The following PTPRK variants were observed in gnomAD, a reference collection of about 807,000 sequenced individuals.
PTPRK encodes the protein receptor-type tyrosine-protein phosphatase kappa.
In PTPRK, 75 loss-of-function variants were observed where a neutral mutation model predicts 178.0. The observed-to-expected ratio is 0.42, with a 90% CI of 0.35 to 0.51. The LOEUF is 0.51. PTPRK is among the 20% of genes least tolerant of loss of function. The pLI is 0.02. For missense variants in PTPRK, 1,441 were observed against 1,797.8 expected (o/e 0.80, Z 3.59); for synonymous variants, 637 against 620.6 (o/e 1.03, Z -0.39).
At chr6:128,386,607 T>G (rs2128360624) in intron 2 of PTPRK, among the ~76,000 whole-genome samples, 1 of 152,322 alleles carries the variant, frequency 6.6e-6, no homozygotes, top group East Asian at 1.9e-4. Context: ...TTTTTTAAAA[T>G]ACTCTGAAGT....
At chr6:128,083,944 G>A in intron 8 of PTPRK, 120 bp from the exon 9 acceptor site, 1 of 484,794 alleles carries the variant, frequency 2.1e-6, no homozygotes, top group East Asian at 3.4e-5. Context: ...ATAAAAATGT[G>A]TCCTTAAAAA....
chr6:128,410,454 T>G (rs1842176257), intron 1 of PTPRK, among the ~76,000 whole-genome samples: 1 of 152,202 alleles, frequency 6.6e-6, no homozygotes. Flanking sequence ...CTGAGCATAT[T>G]GTAAAAGAGA....
intron 1 of PTPRK, among the ~76,000 whole-genome samples, chr6:128,488,660 C>T (rs1023221012): frequency 1.3e-5 from 2 of 152,184 alleles, no homozygotes; most frequent in Non-Finnish European, 2.9e-5. Flanking sequence ...AAATTGCTTA[C>T]TGGAGTGCTC....
Position 128,332,472 on chromosome 6 carries a change from A to C in PTPRK, c.224-10162T>G, listed in dbSNP as rs1383511665. On this transcript the variant is annotated intron_variant, in intron 2 of 29. Transcript: ENST00000368226. Reference sequence around the variant, plus strand: ...TGAGGTCCGGTGTGAGGACTAAATGAGACTACCTCCATGATGTGCGAAGGC... The same window carrying C: ...TGAGGTCCGGTGTGAGGACTAAATGCGACTACCTCCATGATGTGCGAAGGC... Among the ~76,000 whole-genome samples the C allele has an allele frequency of 3.3e-5, 5 of 152,348 alleles. No homozygotes were observed. The South Asian group carries it at 1.0e-3, about 32-fold the overall frequency.
chr6:128,479,460 A>T (rs1337221406), intron 1 of PTPRK, among the ~76,000 whole-genome samples: 1 of 152,170 alleles, frequency 6.6e-6, no homozygotes, highest in African/African-American at 2.4e-5. Flanking sequence ...AACAAAATCC[A>T]TCTTAATTCA....
chr6:128,346,443 A>C (rs991221207), intron 2 of PTPRK, among the ~76,000 whole-genome samples: 2 of 152,038 alleles, frequency 1.3e-5, no homozygotes, highest in Non-Finnish European at 2.9e-5. Flanking sequence ...ATATATAGCC[A>C]ATTTTCTATA....
At chr6:128,010,261 C>G (rs1009238865) in intron 13 of PTPRK, among the ~76,000 whole-genome samples, 20 of 151,220 alleles carry the variant, frequency 1.3e-4, no homozygotes, top group African/African-American at 4.8e-4. Context: ...AACAAGAGTC[C>G]AGGTGATTCT....
chr6:127,996,782 T>G, intron 17 of PTPRK, 119 bp downstream of exon 17: 1 of 1,297,594 alleles, frequency 7.7e-7, no homozygotes, highest in East Asian at 2.6e-5. Flanking sequence ...TAAATGCTGT[T>G]TTAATATTAA....
At chr6:128,172,437 G>A (rs1429333126) in intron 7 of PTPRK, among the ~76,000 whole-genome samples, 1 of 151,814 alleles carries the variant, frequency 6.6e-6, no homozygotes, top group African/African-American at 2.4e-5. Context: ...TCCTTGGAAA[G>A]TCTAAATATT....
At chr6:128,018,186 T>C (rs757644108) in intron 13 of PTPRK, among the ~76,000 whole-genome samples, 7 of 152,076 alleles carry the variant, frequency 4.6e-5, no homozygotes, top group Non-Finnish European at 8.8e-5. Flanking sequence ...TAATGATTTT[T>C]ACATAGTTAC....
Position 128,083,761 on chromosome 6 carries a change from T to A in PTPRK, c.1529A>T (p.Asn510Ile), listed in dbSNP as rs1158639909. 3 of 1,607,076 alleles carry A rather than the reference T, an allele frequency of 1.9e-6. No homozygotes were observed. The highest frequency in any genetic ancestry group is 2.6e-6 in the Non-Finnish European group (3 of 1,176,066). The part of the protein sequence containing the change: ...GTSFENKIFL[N>I]WKEPLDPNGI... ...ATTTGGATCCAAAGGTTCTTTCCAG[T>A]TCAAGAAGATCTTATTTTCAAAGGA... The change falls in exon 9 of 30, where the codon AAC becomes ATC. Residue 510 changes from asparagine (N) to isoleucine (I), a missense_variant. Transcript: ENST00000368226.
At chr6:128,054,469 A>C (rs1056790099) in intron 13 of PTPRK, among the ~76,000 whole-genome samples, 1 of 152,216 alleles carries the variant, frequency 6.6e-6, no homozygotes, top group Non-Finnish European at 1.5e-5. Context: ...GAAAATTAAT[A>C]ATTTTCAACT....
chr6:128,413,841 T>C (rs1842563240), intron 1 of PTPRK, among the ~76,000 whole-genome samples: 1 of 152,178 alleles, frequency 6.6e-6, no homozygotes, highest in African/African-American at 2.4e-5. Context: ...TTTCAAAACA[T>C]GGTTTTATTT....
At chr6:128,005,019 T>G in intron 15 of PTPRK, 65 bp downstream of exon 15, 1 of 1,370,978 alleles carries the variant, frequency 7.3e-7, no homozygotes, top group South Asian at 1.3e-5. Flanking sequence ...TCAAAAGGTA[T>G]CGTGTAGAAT....
intron 7 of PTPRK, among the ~76,000 whole-genome samples, chr6:128,135,667 AG>A (rs1479958096): frequency 2.6e-5 from 4 of 152,092 alleles, no homozygotes; most frequent in African/African-American, 9.7e-5. Context: ...ATCCTGCACT[AG>A]GATATCCCTA....
chr6:128,156,624 A>C (rs1323631531), intron 7 of PTPRK, among the ~76,000 whole-genome samples: 4 of 151,918 alleles, frequency 2.6e-5, no homozygotes, highest in Non-Finnish European at 5.9e-5. Flanking sequence ...TTCCTCCTAC[A>C]TGAGGGGATT....
intron 3 of PTPRK, among the ~76,000 whole-genome samples, chr6:128,270,859 G>A (rs1368012055): frequency 6.6e-6 from 1 of 152,046 alleles, no homozygotes; most frequent in African/African-American, 2.4e-5. Flanking sequence ...AGACATCAGT[G>A]TACCAATCAG....
intron 6 of PTPRK, among the ~76,000 whole-genome samples, chr6:128,201,517 T>C (rs1207637940): frequency 6.6e-6 from 1 of 152,120 alleles, no homozygotes; most frequent in Non-Finnish European, 1.5e-5. Flanking sequence ...ACATTTGATT[T>C]AGAAAGGAAC....
intron 2 of PTPRK, among the ~76,000 whole-genome samples, chr6:128,391,677 T>C (rs1176000533): frequency 6.6e-6 from 1 of 152,092 alleles, no homozygotes; most frequent in Non-Finnish European, 1.5e-5. Flanking sequence ...TCCACTACTT[T>C]TAGTAACTGA....
Sources: allele counts gnomAD v4.1 joint callset (sites outside exome capture counted in the v4.1 genomes callset), GRCh38; gene constraint gnomAD v4.1.1; transcripts MANE v1.5; gene names NCBI Gene and HGNC (gene_info 2026-07-23, HGNC 2026-07-21).